Variants in ATRNL1 observed in about 807,000 individuals in gnomAD.
ATRNL1 encodes attractin-like protein 1.
In ATRNL1, 95 loss-of-function variants were observed where a neutral mutation model predicts 182.7. The observed-to-expected ratio is 0.52, with a 90% confidence interval of 0.44 to 0.62. ATRNL1 has a LOEUF of 0.62. Among genes scored for constraint, ATRNL1 ranks in the 20% least tolerant of loss-of-function variants. ATRNL1 has a pLI of 0.00. For synonymous variants in ATRNL1, 576 were observed against 568.3 expected (o/e 1.01, Z -0.19); for missense variants, 1,471 against 1,679.5 (o/e 0.88, Z 2.17).
rs375175980 is a variant in ATRNL1, at chr10:115,368,396, C to T, written c.3176-26263C>T. Among the ~76,000 whole-genome samples the T allele has an allele frequency of 1.1e-3, 164 of 152,316 alleles. 1 individual carries two copies. Among genetic ancestry groups the T allele is most frequent in the South Asian group, 4.8e-3 (23 of 4,832 alleles). On this transcript the variant is annotated intron_variant, in intron 19 of 28. Coordinates refer to ENST00000355044, the MANE Select transcript of ATRNL1 (RefSeq NM_207303.4). ...CCTGCTTCGGCTCGCGCACGGTGCA[C>T]GCACCCACTGACCTGCACCCACTGT... is the stretch of plus-strand genomic sequence containing the variant.
chr10:115,814,744 A>AT (rs1206876554), intron 27 of ATRNL1, among the ~76,000 whole-genome samples: 1 of 152,168 alleles, frequency 6.6e-6, no homozygotes, highest in Non-Finnish European at 1.5e-5. Flanking sequence ...TATGCAGCCT[A>AT]TCTTACTGTC....
At chr10:115,617,938 G>T (rs1329852619) in intron 26 of ATRNL1, among the ~76,000 whole-genome samples, 1 of 152,130 alleles carries the variant, frequency 6.6e-6, no homozygotes, top group Admixed American at 6.5e-5. Flanking sequence ...TTGGATCATA[G>T]GGTAGATTTC....
At chr10:115,442,089 C>T (rs1222711267) in intron 21 of ATRNL1, among the ~76,000 whole-genome samples, 1 of 152,016 alleles carries the variant, frequency 6.6e-6, no homozygotes, top group Non-Finnish European at 1.5e-5. Flanking sequence ...ACCAGGGTGA[C>T]ATTTAAAAAT....
At position 115,279,157 on chromosome 10, in the gene ATRNL1, G is replaced by A. The variant is rs538099068; in HGVS notation, c.2101-2198G>A. Among the ~76,000 whole-genome samples the A allele has an allele frequency of 5.1e-4, 77 of 149,834 alleles. 2 individuals carry two copies. Among genetic ancestry groups the A allele is most frequent in the South Asian group, 3.6e-3 (17 of 4,714 alleles). On this transcript the variant is annotated intron_variant, in intron 13 of 28. Transcript: ENST00000355044. ...GTGGAGCTTGCAGTGAGCCGAGATC[G>A]CACCACTGCACTCCAGCCTGGGCGA...
intron 19 of ATRNL1, among the ~76,000 whole-genome samples, chr10:115,350,334 CAAAAAAAAAAAG>C (rs1191584894): frequency 1.7e-4 from 5 of 29,734 alleles, no homozygotes; most frequent in East Asian, 2.3e-3. Context: ...GACTCTGTCT[CAAAAAAAAAAAG>C]AAAAAAAAAA....
chr10:115,679,375 C>T (rs2133946332), intron 26 of ATRNL1, among the ~76,000 whole-genome samples: 1 of 152,024 alleles, frequency 6.6e-6, no homozygotes, highest in South Asian at 2.1e-4. Context: ...CTCTCTGAAA[C>T]TCACTGGGCT....
chr10:115,895,433 A>G (rs1952182832), intron 28 of ATRNL1, among the ~76,000 whole-genome samples: 1 of 152,206 alleles, frequency 6.6e-6, no homozygotes, highest in African/African-American at 2.4e-5. Flanking sequence ...TTCTAATGTG[A>G]ATGCATTATT....
chr10:115,835,612 T>C (rs1271452210), intron 27 of ATRNL1, among the ~76,000 whole-genome samples: 1 of 152,132 alleles, frequency 6.6e-6, no homozygotes, highest in Non-Finnish European at 1.5e-5. Flanking sequence ...CCACAACATA[T>C]AAAATTGGGC....
chr10:115,577,595 A>C (rs1854797101), intron 26 of ATRNL1, among the ~76,000 whole-genome samples: 1 of 128,038 alleles, frequency 7.8e-6, no homozygotes, highest in South Asian at 2.6e-4. Context: ...TACTGAATTT[A>C]TTTGTTCTAA....
chr10:115,877,400 C>T (rs976875991), intron 28 of ATRNL1, among the ~76,000 whole-genome samples: 1 of 152,196 alleles, frequency 6.6e-6, no homozygotes, highest in African/African-American at 2.4e-5. Context: ...TGGGAAGCTA[C>T]AGGTTTGCTC....
intron 28 of ATRNL1, among the ~76,000 whole-genome samples, chr10:115,934,882 T>A (rs782531421): frequency 2.0e-5 from 3 of 152,184 alleles, no homozygotes; most frequent in Non-Finnish European, 2.9e-5. Flanking sequence ...ATTCTCCCAT[T>A]GTTCCATTTA....
intron 21 of ATRNL1, among the ~76,000 whole-genome samples, chr10:115,451,282 A>G (rs1847267323): frequency 6.6e-6 from 1 of 152,204 alleles, no homozygotes; most frequent in African/African-American, 2.4e-5. Context: ...GATCTAATTA[A>G]AGAGCTTCTG....
chr10:115,805,597 A>T lies in ATRNL1; in HGVS notation c.3904-42280A>T, dbSNP rs55849025. Among the ~76,000 whole-genome samples, 954 of 152,250 alleles carry T rather than the reference A, an allele frequency of 6.3e-3. 3 individuals carry two copies. Among genetic ancestry groups the T allele is most frequent in the Middle Eastern group, 0.01 (3 of 294 alleles). ...CAGTGAGAAGAGCATCAGGGAGCTT[A>T]GTTCTATGTAGTATCACAGAACCAA... On this transcript the variant is annotated intron_variant, in intron 27 of 28. Transcript: ENST00000355044.
intron 20 of ATRNL1, among the ~76,000 whole-genome samples, chr10:115,424,485 C>T (rs1554962540): frequency 1.3e-5 from 2 of 151,982 alleles, no homozygotes; most frequent in Admixed American, 6.5e-5. Flanking sequence ...TGTACTCTTA[C>T]TTTTATTGCA....
At chr10:115,665,745 C>G (rs1860962940) in intron 26 of ATRNL1, among the ~76,000 whole-genome samples, 1 of 152,146 alleles carries the variant, frequency 6.6e-6, no homozygotes, top group Non-Finnish European at 1.5e-5. Context: ...CCAGGGCAAC[C>G]TGTGAAGAGT....
intron 23 of ATRNL1, among the ~76,000 whole-genome samples, chr10:115,468,073 A>G (rs1421714784): frequency 2.0e-5 from 3 of 150,742 alleles, no homozygotes; most frequent in African/African-American, 7.3e-5. Context: ...CTCTTTTGCA[A>G]TTCCCAAATT....
intron 3 of ATRNL1, among the ~76,000 whole-genome samples, chr10:115,122,285 G>C (rs1844772534): frequency 6.6e-6 from 1 of 151,736 alleles, no homozygotes; most frequent in African/African-American, 2.4e-5. Flanking sequence ...AAATGTGAGA[G>C]TTTTATTTGT....
At chr10:115,235,107 G>A (rs1409973421) in intron 9 of ATRNL1, among the ~76,000 whole-genome samples, 2 of 151,938 alleles carry the variant, frequency 1.3e-5, no homozygotes, top group East Asian at 1.9e-4. Flanking sequence ...TCTGTGCCTC[G>A]TTTGGGTTTA....
At chr10:115,608,655 C>T (rs1856991417) in intron 26 of ATRNL1, among the ~76,000 whole-genome samples, 3 of 151,826 alleles carry the variant, frequency 2.0e-5, no homozygotes, top group Non-Finnish European at 2.9e-5. Context: ...CATAATATAT[C>T]AAGAATATAC....
Sources: allele counts gnomAD v4.1 joint callset (sites outside exome capture counted in the v4.1 genomes callset), GRCh38; gene constraint gnomAD v4.1.1; transcripts MANE v1.5; gene names NCBI Gene and HGNC (gene_info 2026-07-23, HGNC 2026-07-21).